The following PGLS variants were observed in gnomAD, a reference collection of about 807,000 sequenced individuals.
The protein encoded by PGLS is epididymis secretory protein Li 304.
A neutral mutation model predicts 23.2 loss-of-function variants in PGLS; 21 were observed. The observed-to-expected ratio is 0.91, with a 90% CI of 0.64 to 1.31. The LOEUF (loss-of-function observed/expected upper bound fraction) is 1.31. Ranked by LOEUF, PGLS falls within the 50% of genes most tolerant of loss-of-function variation. PGLS has a pLI of 0.00. For missense variants in PGLS, 410 were observed against 354.0 expected, an observed-to-expected ratio of 1.16 and a Z score of -1.27; for synonymous variants, 179 against 165.4, an observed-to-expected ratio of 1.08 and a Z score of -0.63.
In PGLS at chr19:17,517,355, CCTG is replaced by C; in HGVS notation, c.467_469del (p.Cys156del). ...CTGGGGGTGGGCCCCGATGGTCACA[CCTG>C]CTCACTCTTCCCAGACCACCCCCTC... On this transcript the variant is annotated inframe_deletion, in exon 3 of 5. Coordinates refer to ENST00000252603, the MANE Select transcript of PGLS (RefSeq NM_012088.3). 1 of 1,613,950 alleles carries C rather than the reference CCTG, an allele frequency of 6.2e-7. No individual in the cohort carries two copies. The highest frequency in any genetic ancestry group is 8.5e-7 in the Non-Finnish European group (1 of 1,179,884).
chr19:17,515,506 G>GT (rs1321361538), intron 1 of PGLS, among the ~76,000 whole-genome samples: 1 of 152,136 alleles, frequency 6.6e-6, no homozygotes, highest in Non-Finnish European at 1.5e-5. Flanking sequence ...CACAGGCCAG[G>GT]GCATCTACTG....
rs181859054 is a variant in PGLS, at chr19:17,520,911, G to A, written c.640-33G>A. 394 of 1,546,612 alleles carry A rather than the reference G, an allele frequency of 2.5e-4. 1 individual carries two copies. The African/African-American group carries it at 4.5e-3, about 18-fold the overall frequency. On this transcript the variant is annotated intron_variant, in intron 4 of 4. Transcript: ENST00000252603. ...GCCGAGGGGCGGTGCCTGGGCCGCA[G>A]GCAGGGCCTTACTCTTCTGCCCTCT...
rs2075531496 is a variant in PGLS at position 17,516,209 on chromosome 19, C to T, written c.325C>T (p.Gln109Ter). The T allele has an allele frequency of 6.2e-7, 1 of 1,613,976 alleles. No homozygotes were observed. The highest frequency in any genetic ancestry group is 1.3e-5 in the African/African-American group (1 of 74,924). Residue 109 changes from glutamine (Q) to a stop codon, truncating the protein, a stop_gained, in exon 2 of 5, where the codon CAG (glutamine) becomes TAG (stop). Transcript: ENST00000252603. LOFTEE classifies it high-confidence loss of function. The part of the protein sequence containing the change: ...LLSRLPIPES[Q>*]VITINPELPV... ...CTCCAGACTGCCGATCCCAGAAAGC[C>T]AGGTGATCACCATTAACCCCGAGCT...
chr19:17,512,182 C>T, intron 1 of PGLS: 1 of 501,230 alleles, frequency 2.0e-6, no homozygotes, highest in Non-Finnish European at 3.5e-6. Flanking sequence ...CCGCGCCCAC[C>T]GGTTGCCCTC....
At chr19:17,518,103 C>T (rs1429559802) in intron 4 of PGLS, among the ~76,000 whole-genome samples, 1 of 150,980 alleles carries the variant, frequency 6.6e-6, no homozygotes. Context: ...GCCAAAGCTG[C>T]ATTCAGAGGT....
At position 17,511,767 on chromosome 19, in the gene PGLS, G is replaced by A; in HGVS notation, c.95G>A (p.Cys32Tyr). The stretch of plus-strand genomic sequence containing the variant: ...CAGCTGGTGGCCCAGCGCGCAGCAT[G>A]CTGCCTGGCAGGGGCCCGCGCCCGT... ...LAQLVAQRAA[C>Y]CLAGARARFA... is the part of the protein sequence containing the mutation. The change falls in exon 1 of 5, where the codon TGC (cysteine) becomes TAC (tyrosine). Residue 32 changes from cysteine to tyrosine, a missense_variant. Physicochemically the swap from Cys to Tyr is radical, Grantham distance 194. Transcript: ENST00000252603. The A allele has an allele frequency of 1.3e-6, 2 of 1,498,720 alleles. No homozygotes were observed. The highest frequency in any genetic ancestry group is 1.8e-6 in the Non-Finnish European group (2 of 1,131,384). 92.8% of individuals were successfully genotyped at this position (1,498,720 alleles called of 1,614,324 possible).
chr19:17,514,738 C>T (rs1015839756), intron 1 of PGLS, among the ~76,000 whole-genome samples: 3 of 152,054 alleles, frequency 2.0e-5, no homozygotes, highest in East Asian at 1.9e-4. Context: ...CCACAACCTC[C>T]GCCTCCTGGG....
intron 4 of PGLS, chr19:17,520,503 A>ACCATCACG (rs1355061252): frequency 7.3e-6 from 1 of 137,734 alleles, no homozygotes. Flanking sequence ...CCAAGATCGC[A>ACCATCACG]CCATCACGCC....
chr19:17,518,138 TAAA>T (rs532977314), intron 4 of PGLS, among the ~76,000 whole-genome samples: 1 of 151,996 alleles, frequency 6.6e-6, no homozygotes, highest in East Asian at 1.9e-4. Context: ...CAAATGCATT[TAAA>T]AAAAATTATT....
chr19:17,516,079 G>A, intron 1 of PGLS, 94 bp from the exon 2 acceptor site: 5 of 917,526 alleles, frequency 5.4e-6, no homozygotes, highest in Non-Finnish European at 8.8e-6. Flanking sequence ...CTCCCCATCT[G>A]TAAATGAGTG....
chr19:17,512,076 C>T (rs2075510623), intron 1 of PGLS, 116 bp downstream of exon 1: 1 of 1,120,626 alleles, frequency 8.9e-7, no homozygotes, highest in Non-Finnish European at 1.2e-6. Context: ...ACTGTCTGCA[C>T]CTCGGCTACG....
chr19:17,517,300 G>A lies in PGLS; in HGVS notation c.409G>A (p.Asp137Asn), dbSNP rs1394763825. ...TCCCCACGCCCAGGCATTCCAAGGGGACTCCATCCCGGTTTTCGACCTGCT... is the reference window on the plus strand; with the variant it reads ...TCCCCACGCCCAGGCATTCCAAGGGAACTCCATCCCGGTTTTCGACCTGCT... ...AKKLRQAFQG[D>N]SIPVFDLLIL... The change falls in exon 3 of 5, where the codon GAC (aspartate) becomes AAC (asparagine). Residue 137 changes from aspartate (D) to asparagine (N), a missense_variant. By Grantham distance (23) the Asp-to-Asn change is conservative. Transcript: ENST00000252603. 1.9e-6 allele frequency: 3 copies of A among 1,613,664 alleles called. No individual in the cohort carries two copies. In the African/African-American group the frequency reaches 4.0e-5, roughly 22 times the overall value.
chr19:17,518,930 C>T (rs7251020), intron 4 of PGLS, among the ~76,000 whole-genome samples: 92,694 of 152,048 alleles, frequency 0.61, 29,232 homozygotes, highest in African/African-American at 0.78. Context: ...GAGGATTACT[C>T]GAGCTCAGGA....
chr19:17,517,532 G>C (rs1487533896), intron 3 of PGLS, 143 bp downstream of exon 3: 1 of 937,194 alleles, frequency 1.1e-6, no homozygotes, highest in Non-Finnish European at 1.6e-6. Context: ...TGCCTGCTGG[G>C]CTCAATCCTT....
chr19:17,520,205 G>A (rs541303694), intron 4 of PGLS, among the ~76,000 whole-genome samples: 117 of 152,160 alleles, frequency 7.7e-4, no homozygotes, highest in African/African-American at 2.7e-3. Context: ...CAACGTGGGA[G>A]TTCAAGACCA....
chr19:17,520,974 C>G lies in PGLS; in HGVS notation c.670C>G (p.Leu224Val), dbSNP rs768984997. 3 of 1,597,950 alleles carry G rather than the reference C, an allele frequency of 1.9e-6. No homozygotes were observed. The highest frequency in any genetic ancestry group is 2.6e-6 in the Non-Finnish European group (3 of 1,171,734). Reference sequence around the variant, plus strand: ...TTTGGAGGACCAGGAGGAAAACCCGCTGCCCGCCGCCCTGGTCCAGCCCCA... The same window carrying G: ...TTTGGAGGACCAGGAGGAAAACCCGGTGCCCGCCGCCCTGGTCCAGCCCCA... ...RILEDQEENP[L>V]PAALVQPHTG... is the part of the protein sequence containing the mutation. The change falls in exon 5 of 5, where the codon CTG becomes GTG. Residue 224 changes from leucine (L) to valine (V), a missense_variant. By Grantham distance (32) the Leu-to-Val change is conservative (BLOSUM62 1). Transcript: ENST00000252603.
chr19:17,517,266 G>T (rs750561927), intron 2 of PGLS, 22 bp from the exon 3 acceptor site: 1 of 1,548,696 alleles, frequency 6.5e-7, no homozygotes, highest in Admixed American at 1.7e-5. Context: ...ACCTCTCAAG[G>T]CTGTCTTCTC....
intron 1 of PGLS, 59 bp downstream of exon 1, chr19:17,512,019 C>A (rs1232041357): frequency 6.8e-7 from 1 of 1,470,372 alleles, no homozygotes; most frequent in Non-Finnish European, 9.0e-7. Context: ...ACCGCCTACA[C>A]CCCGGCTACG....
chr19:17,516,297 G>T lies in PGLS; in HGVS notation c.396+17G>T. 3.1e-6 allele frequency: 5 copies of T among 1,609,026 alleles called. No individual in the cohort carries two copies. Among genetic ancestry groups the T allele is most frequent in the Non-Finnish European group, 4.2e-6 (5 of 1,177,786 alleles). ...CTGAGACAGGTGAGCCCCGAGGAGC[G>T]GCCGCAAGGGAGTCACATCCACGAA... is the stretch of plus-strand genomic sequence containing the variant. On this transcript the variant is annotated intron_variant, in intron 2 of 4. Transcript: ENST00000252603.
Sources: gnomAD v4.1 joint callset for allele counts (sites outside exome capture counted in the v4.1 genomes callset) on GRCh38, gnomAD v4.1.1 for gene constraint, MANE v1.5 for transcripts, NCBI Gene and HGNC (gene_info 2026-07-23, HGNC 2026-07-21) for gene names.